Variants in RNF220 observed in about 807,000 individuals in gnomAD.
RNF220 encodes E3 ubiquitin-protein ligase RNF220.
Under a neutral mutation model 67.1 loss-of-function variants are expected in RNF220, and 7 were observed. The ratio of observed to expected loss-of-function variants is 0.10; its 90% confidence interval spans 0.06 to 0.20. The LOEUF (loss-of-function observed/expected upper bound fraction) is 0.20, where lower values mean the gene tolerates loss of function less well. Ranked by LOEUF, RNF220 falls within the 10% of genes least tolerant of loss-of-function variation. The pLI, the probability that RNF220 is intolerant of heterozygous loss-of-function variation, is 1.00. For synonymous variants in RNF220, 270 were observed against 283.2 expected, an observed-to-expected ratio of 0.95 and a Z score of 0.47; for missense variants, 565 against 740.3, an observed-to-expected ratio of 0.76 and a Z score of 2.75.
chr1:44,406,075 G>A (rs1043351619), intron 1 of RNF220, among the ~76,000 whole-genome samples: 1 of 152,208 alleles, frequency 6.6e-6, no homozygotes, highest in Non-Finnish European at 1.5e-5. Flanking sequence ...GGCGGCGGGC[G>A]GATGGAGAAG....
rs374374843 is a variant in RNF220, at chr1:44,417,553, G to C, written c.625+4831G>C. 1.3e-5 allele frequency among the ~76,000 whole-genome samples: 2 copies of C among 152,138 alleles called. No individual in the cohort carries two copies. Among genetic ancestry groups the C allele is most frequent in the Non-Finnish European group, 2.9e-5 (2 of 68,018 alleles). ...CGCTCCACGCCGCGCCGCTCTGTGC[G>C]GCGGCTGCCTCCTCTTACGGCCGGA... On this transcript the variant is annotated intron_variant, in intron 2 of 14. Transcript: ENST00000361799. This position sits in a 1 kb window ranked among gnomAD's most constrained non-coding sequence, Gnocchi z 4.0.
rs1644179640 is a variant in RNF220, at chr1:44,632,422, C to T, written c.949+37C>T. The T allele has an allele frequency of 2.6e-6, 4 of 1,531,230 alleles. No individual in the cohort carries two copies. The East Asian group carries it at 9.7e-5, about 37-fold the overall frequency. The allele number at this position is 1,531,230 out of a possible 1,614,324, so 94.9% of individuals were successfully genotyped here. ...CCGGCCCCTCCCTCCGCCCCACCCC[C>T]GGCCTCCTCCCTCCCTCCCTCACTG... is the stretch of plus-strand genomic sequence containing the variant. On this transcript the variant is annotated intron_variant, in intron 6 of 14. Coordinates refer to ENST00000361799, the MANE Select transcript of RNF220 (RefSeq NM_018150.4).
intron 2 of RNF220, among the ~76,000 whole-genome samples, chr1:44,489,648 C>T (rs146912402): frequency 3.9e-5 from 6 of 152,292 alleles, no homozygotes; most frequent in East Asian, 1.9e-4. Context: ...GTCTTTTTCT[C>T]GAAATCTCAG....
intron 2 of RNF220, among the ~76,000 whole-genome samples, chr1:44,585,918 A>G (rs539342908): frequency 6.6e-6 from 1 of 152,222 alleles, no homozygotes; most frequent in East Asian, 1.9e-4. Flanking sequence ...CCTGGCAAGC[A>G]GCAGACCAGG....
At chr1:44,635,853 C>A in intron 7 of RNF220, 177 bp from the exon 8 acceptor site, 1 of 1,335,480 alleles carries the variant, frequency 7.5e-7, no homozygotes, top group Non-Finnish European at 1.0e-6. Context: ...CAGCGGAAAA[C>A]TATTGGGAAG....
chr1:44,628,237 C>T (rs1407716176), intron 5 of RNF220, among the ~76,000 whole-genome samples: 1 of 152,244 alleles, frequency 6.6e-6, no homozygotes, highest in Non-Finnish European at 1.5e-5. Context: ...GCCTTGCCAT[C>T]TGTTCAACTA....
chr1:44,523,540 T>C (rs1011779965), intron 2 of RNF220, among the ~76,000 whole-genome samples: 9 of 152,202 alleles, frequency 5.9e-5, no homozygotes, highest in Non-Finnish European at 1.2e-4. Context: ...CATCTGTCAT[T>C]GTTTGCGTTC....
intron 2 of RNF220, among the ~76,000 whole-genome samples, chr1:44,487,475 C>T (rs1656415343): frequency 6.6e-6 from 1 of 151,532 alleles, no homozygotes; most frequent in Admixed American, 6.6e-5. Flanking sequence ...AGTAAAGTCT[C>T]AAAATTTAGG....
chr1:44,609,444 G>A (rs892957564), intron 2 of RNF220, among the ~76,000 whole-genome samples: 7 of 152,222 alleles, frequency 4.6e-5, no homozygotes, highest in Admixed American at 4.6e-4. Flanking sequence ...TCACACGGTG[G>A]GGAGCTGCAA....
intron 2 of RNF220, among the ~76,000 whole-genome samples, chr1:44,521,776 G>A (rs1055250867): frequency 2.4e-4 from 36 of 152,160 alleles, no homozygotes; most frequent in Admixed American, 1.6e-3. Context: ...CTGTATGCAC[G>A]GTGAAGAGAC....
intron 2 of RNF220, among the ~76,000 whole-genome samples, chr1:44,576,352 G>A (rs1159419773): frequency 2.8e-4 from 43 of 152,178 alleles, no homozygotes; most frequent in Non-Finnish European, 2.9e-5. Context: ...AAAGAACAGA[G>A]ATGGAAGCCA....
At chr1:44,528,592 G>A (rs932959065) in intron 2 of RNF220, among the ~76,000 whole-genome samples, 2 of 147,360 alleles carry the variant, frequency 1.4e-5, no homozygotes, top group African/African-American at 5.1e-5. Flanking sequence ...AAGCCACTGC[G>A]CCCGGCCCTG....
chr1:44,583,066 C>T (rs1023805100), intron 2 of RNF220, among the ~76,000 whole-genome samples: 12 of 151,928 alleles, frequency 7.9e-5, no homozygotes, highest in African/African-American at 2.9e-4. Context: ...CCGTGGAGTC[C>T]GGTGAGGATT....
At position 44,542,625 on chromosome 1, in the gene RNF220, C is replaced by T. The variant is rs576938285; in HGVS notation, c.626-71540C>T. Among the ~76,000 whole-genome samples the T allele has an allele frequency of 2.6e-5, 4 of 152,238 alleles. No individual in the cohort carries two copies. The South Asian group carries it at 8.3e-4, about 32-fold the overall frequency. On this transcript the variant is annotated intron_variant, in intron 2 of 14. Coordinates refer to ENST00000361799, the MANE Select transcript of RNF220 (RefSeq NM_018150.4). Reference sequence around the variant, plus strand: ...TTCTTGACAACAAGGGGCTGGGAGCCCCAGATGAAAGGCCATGGGGGCTGC... The same window carrying T: ...TTCTTGACAACAAGGGGCTGGGAGCTCCAGATGAAAGGCCATGGGGGCTGC...
At chr1:44,487,673 A>G (rs1298356512) in intron 2 of RNF220, among the ~76,000 whole-genome samples, 1 of 91,512 alleles carries the variant, frequency 1.1e-5, no homozygotes, top group Non-Finnish European at 1.9e-5. Context: ...TCTCTACTAA[A>G]ATAATAATAA....
chr1:44,601,572 C>T (rs1030532628), intron 2 of RNF220, among the ~76,000 whole-genome samples: 1 of 152,150 alleles, frequency 6.6e-6, no homozygotes, highest in African/African-American at 2.4e-5. Context: ...AGGAGGATGC[C>T]TGTTCCACTG....
intron 2 of RNF220, among the ~76,000 whole-genome samples, chr1:44,443,318 A>G (rs1313503672): frequency 6.6e-6 from 1 of 152,062 alleles, no homozygotes; most frequent in Non-Finnish European, 1.5e-5. Flanking sequence ...TAACTAATCA[A>G]TTTTCATGGC....
intron 2 of RNF220, among the ~76,000 whole-genome samples, chr1:44,492,921 AT>A (rs34130621): frequency 2.2e-3 from 324 of 144,698 alleles, no homozygotes; most frequent in East Asian, 2.6e-3. Context: ...CAAAATCTGA[AT>A]TTTTTTTTTT....
intron 2 of RNF220, among the ~76,000 whole-genome samples, chr1:44,488,424 C>T (rs112733707): frequency 0.026 from 3,903 of 152,248 alleles, 148 homozygotes; most frequent in African/African-American, 0.088. Flanking sequence ...CCACCACACC[C>T]GGCCATGCCC....
Sources: gnomAD v4.1 joint callset for allele counts (sites outside exome capture counted in the v4.1 genomes callset) on GRCh38, gnomAD v4.1.1 for gene constraint, Gnocchi (gnomAD v3.1) non-coding constraint, MANE v1.5 for transcripts, NCBI Gene and HGNC (gene_info 2026-07-23, HGNC 2026-07-21) for gene names.